CD300LB: variants seen among roughly 807,000 people sequenced by gnomAD.
CD300LB encodes the protein CD300 molecule like family member b, also known as CMRF35-like molecule 7.
In CD300LB, 18 loss-of-function variants were observed where a neutral mutation model predicts 20.8. The ratio of observed to expected loss-of-function variants is 0.87; its 90% CI spans 0.60 to 1.28. The LOEUF is 1.28. CD300LB is among the 50% of genes most tolerant of loss of function. The pLI, the probability that CD300LB is intolerant of heterozygous loss-of-function variation, is 0.00. For missense variants in CD300LB, 222 were observed against 251.8 expected, an observed-to-expected ratio of 0.88 and a Z score of 0.80; for synonymous variants, 91 against 91.3, an observed-to-expected ratio of 1.00 and a Z score of 0.02.
At position 74,523,497 on chromosome 17, in the gene CD300LB, G is replaced by A. The variant is rs6501721; in HGVS notation, c.443+82C>T. On this transcript the variant is annotated intron_variant, in intron 3 of 3. Coordinates refer to ENST00000392621, the MANE Select transcript of CD300LB (RefSeq NM_174892.4). ...TGGCTAGAACAGGTGCTGGCATTTG[G>A]TGACAGGCAGGAGTTCCCAGGCTTG... 1,018 of 963,468 alleles carry A rather than the reference G, an allele frequency of 1.1e-3. 10 individuals carry two copies. In the African/African-American group the frequency reaches 0.015, roughly 14 times the overall value. 59.7% of individuals were successfully genotyped at this position (963,468 alleles called of 1,614,324 possible).
chr17:74,531,236 G>A (rs1908203459), intron 1 of CD300LB, 75 bp downstream of exon 1: 1 of 1,435,720 alleles, frequency 7.0e-7, no homozygotes, highest in Non-Finnish European at 9.2e-7. Flanking sequence ...TTCCCTGGAT[G>A]TGGAAGGACA....
At position 74,522,879 on chromosome 17, in the gene CD300LB, T is replaced by C. The variant is rs1302327671; in HGVS notation, c.465A>G (p.Val155=). Residue 155 remains valine, a synonymous_variant, in exon 4 of 4, where the codon GTA becomes GTG. Transcript: ENST00000392621. ...TGAGCAAGATGGGCACCTTCACAAATACCAGGAGCATGTAGTGGTTCCTGG... is the reference window on the plus strand; with the variant it reads ...TGAGCAAGATGGGCACCTTCACAAACACCAGGAGCATGTAGTGGTTCCTGG... ...SHKRNHYMLL[V]FVKVPILLIL... is the part of the protein sequence containing the mutation. 6.2e-7 allele frequency: 1 copy of C among 1,613,828 alleles called. No homozygotes were observed. Among genetic ancestry groups the C allele is most frequent in the Non-Finnish European group, 8.5e-7 (1 of 1,179,978 alleles).
At chr17:74,528,997 G>A (rs1383948939) in intron 1 of CD300LB, among the ~76,000 whole-genome samples, 1 of 152,112 alleles carries the variant, frequency 6.6e-6, no homozygotes, top group Non-Finnish European at 1.5e-5. Flanking sequence ...AGGAGTGGTG[G>A]TGCATGCCTG....
chr17:74,522,717 A>T lies in CD300LB; in HGVS notation c.*21T>A, dbSNP rs35496492. 0.019 allele frequency: 30,483 copies of T among 1,613,606 alleles called. 446 individuals are homozygous for T. The highest frequency in any genetic ancestry group is 0.05 in the South Asian group (4,518 of 91,072). On this transcript the variant is annotated 3_prime_UTR_variant, in exon 4 of 4. Transcript: ENST00000392621. ...TTCTGGAAACGTGGCCAGGGCAGGAAGGCTCTGCAGATCCATCTCTCTAAG... is the reference window on the plus strand; with the variant it reads ...TTCTGGAAACGTGGCCAGGGCAGGATGGCTCTGCAGATCCATCTCTCTAAG...
intron 1 of CD300LB, among the ~76,000 whole-genome samples, chr17:74,527,916 C>T (rs1295687549): frequency 6.6e-6 from 1 of 152,142 alleles, no homozygotes; most frequent in East Asian, 1.9e-4. Flanking sequence ...TACAGCCACT[C>T]CCCGTTGTTC....
intron 1 of CD300LB, among the ~76,000 whole-genome samples, chr17:74,529,055 G>A (rs191103973): frequency 6.6e-6 from 1 of 152,160 alleles, no homozygotes; most frequent in Non-Finnish European, 1.5e-5. Context: ...GCCTGAGCCT[G>A]AGAGTTCAAG....
At chr17:74,529,882 T>C (rs1908149538) in intron 1 of CD300LB, among the ~76,000 whole-genome samples, 1 of 152,226 alleles carries the variant, frequency 6.6e-6, no homozygotes, top group Non-Finnish European at 1.5e-5. Flanking sequence ...TGCTGCTGCA[T>C]TGAACAAAGT....
Position 74,525,804 on chromosome 17 carries a change from C to T in CD300LB, c.314G>A (p.Gly105Glu). The T allele has an allele frequency of 6.2e-7, 1 of 1,614,154 alleles. No homozygotes were observed. The highest frequency in any genetic ancestry group is 8.5e-7 in the Non-Finnish European group (1 of 1,180,034). The change falls in exon 2 of 4, where the codon GGG (glycine) becomes GAG (glutamate). Residue 105 changes from glycine to glutamate, a missense_variant. By Grantham distance (98) the Gly-to-Glu change is moderately conservative. Coordinates refer to ENST00000392621, the MANE Select transcript of CD300LB (RefSeq NM_174892.4). The stretch of plus-strand genomic sequence containing the variant: ...AAGGTCAGGTCCTCTTCTTTCAATC[C>T]CACACCAGTAAACATCTGCGTCATC... ...RRDDADVYWC[G>E]IERRGPDLGT... is the part of the protein sequence containing the mutation.
chr17:74,523,426 G>A (rs1216946279), intron 3 of CD300LB, 153 bp downstream of exon 3: 1 of 653,322 alleles, frequency 1.5e-6, no homozygotes, highest in Non-Finnish European at 2.8e-6. Context: ...GGATTGCAGT[G>A]ATGGGGGCAG....
intron 1 of CD300LB, among the ~76,000 whole-genome samples, chr17:74,526,340 C>T (rs1908036171): frequency 6.6e-6 from 1 of 152,222 alleles, no homozygotes; most frequent in African/African-American, 2.4e-5. Context: ...TGGTCTCCTA[C>T]CACCTTCTTT....
intron 1 of CD300LB, among the ~76,000 whole-genome samples, chr17:74,529,301 C>A (rs1301231645): frequency 6.6e-6 from 1 of 152,060 alleles, no homozygotes; most frequent in South Asian, 2.1e-4. Context: ...GCAGCATCCT[C>A]CCCAACTCTC....
chr17:74,524,085 G>A (rs1473814954), intron 2 of CD300LB, among the ~76,000 whole-genome samples: 2 of 152,166 alleles, frequency 1.3e-5, no homozygotes, highest in Admixed American at 6.5e-5. Flanking sequence ...AGGGAAAGGG[G>A]ACTCCAGAAG....
rs1907947967 is a variant in CD300LB at position 74,523,621 on chromosome 17, G to A, written c.401C>T (p.Pro134Leu). ...EGAASTTASS[P>L]TNSNMAVFIG... ...GAACACTGCCATATTGCTGTTGGTA[G>A]GTGAGCTTGCTGTTGTGGAAGCCGC... The change falls in exon 3 of 4, where the codon CCT (proline) becomes CTT (leucine). Residue 134 changes from proline to leucine, a missense_variant. Physicochemically the swap from Pro to Leu is moderately conservative, Grantham distance 98 (BLOSUM62 -3). Coordinates refer to ENST00000392621, the MANE Select transcript of CD300LB (RefSeq NM_174892.4). The A allele has an allele frequency of 5.0e-6, 8 of 1,613,744 alleles. No individual in the cohort carries two copies. In the East Asian group the frequency reaches 1.8e-4, roughly 36 times the overall value.
At position 74,525,790 on chromosome 17, in the gene CD300LB, CTCT is replaced by C. The variant is rs1369020841; in HGVS notation, c.325_327del (p.Arg109del). 1.2e-6 allele frequency: 2 copies of C among 1,614,138 alleles called. No individual in the cohort carries two copies. Among genetic ancestry groups the C allele is most frequent in the Non-Finnish European group, 1.7e-6 (2 of 1,180,032 alleles). Reference sequence around the variant, plus strand: ...TTCACTTGAGTCCCAAGGTCAGGTCCTCTTCTTTCAATCCCACACCAGTAAACA... The same window carrying C: ...TTCACTTGAGTCCCAAGGTCAGGTCCTCTTTCAATCCCACACCAGTAAACA... On this transcript the variant is annotated inframe_deletion, in exon 2 of 4. Transcript: ENST00000392621.
At chr17:74,525,601 G>T in intron 2 of CD300LB, 147 bp downstream of exon 2, 1 of 712,570 alleles carries the variant, frequency 1.4e-6, no homozygotes, top group Non-Finnish European at 2.3e-6. Flanking sequence ...CAGTCAGTTT[G>T]TCTGCCTGTC....
chr17:74,527,850 C>T (rs1437908947), intron 1 of CD300LB, among the ~76,000 whole-genome samples: 4 of 152,180 alleles, frequency 2.6e-5, no homozygotes, highest in East Asian at 1.9e-4. Flanking sequence ...TGTTAGGAAC[C>T]GGACCTTACA....
chr17:74,527,201 G>A (rs1238402292), intron 1 of CD300LB, among the ~76,000 whole-genome samples: 3 of 152,254 alleles, frequency 2.0e-5, no homozygotes, highest in Non-Finnish European at 4.4e-5. Context: ...GGTTAGAGGT[G>A]AGCATAATCA....
At chr17:74,530,619 AGCTCT>A (rs1327209950) in intron 1 of CD300LB, among the ~76,000 whole-genome samples, 3 of 150,950 alleles carry the variant, frequency 2.0e-5, no homozygotes, top group Non-Finnish European at 2.9e-5. Context: ...TTCTCCTCTC[AGCTCT>A]GCTCCAGAGA....
intron 2 of CD300LB, among the ~76,000 whole-genome samples, chr17:74,524,055 A>G (rs1907961137): frequency 6.6e-6 from 1 of 152,176 alleles, no homozygotes; most frequent in Non-Finnish European, 1.5e-5. Context: ...GCTGTCCAGA[A>G]ATTGGGGTAG....
Sources: allele counts gnomAD v4.1 joint callset (sites outside exome capture counted in the v4.1 genomes callset), GRCh38; gene constraint gnomAD v4.1.1; transcripts MANE v1.5; gene names NCBI Gene and HGNC (gene_info 2026-07-23, HGNC 2026-07-21).